CROCC2: variants seen among roughly 807,000 people sequenced by gnomAD.
The protein encoded by CROCC2 is ciliary rootlet coiled-coil protein 2.
Under a neutral mutation model 177.6 loss-of-function variants are expected in CROCC2, and 163 were observed. That is an observed-to-expected ratio of 0.92 (90% CI 0.81 to 1.05). The LOEUF is 1.05. Ranked by LOEUF, CROCC2 falls within the 50% of genes least tolerant of loss-of-function variation. The pLI is 0.00. For missense variants in CROCC2, 1,929 were observed against 1,797.8 expected, an observed-to-expected ratio of 1.07 and a Z score of -1.32; for synonymous variants, 904 against 787.3, an observed-to-expected ratio of 1.15 and a Z score of -2.48.
At position 240,943,731 on chromosome 2, in the gene CROCC2, C is replaced by T. The variant is rs559860571; in HGVS notation, c.2170-2329C>T. On this transcript the variant is annotated intron_variant, in intron 14 of 31. Transcript: ENST00000690015. ...CCGAGCTCAGGTGATCTGCCCACCT[C>T]GGCCTCCCTAAGTGCTGGGATTACA... Among the ~76,000 whole-genome samples the T allele has an allele frequency of 6.6e-5, 10 of 152,226 alleles. No individual in the cohort carries two copies. In the East Asian group the frequency reaches 1.4e-3, roughly 21 times the overall value.
intron 4 of CROCC2, among the ~76,000 whole-genome samples, chr2:240,922,877 G>T (rs890894198): frequency 6.6e-6 from 1 of 152,090 alleles, no homozygotes; most frequent in African/African-American, 2.4e-5. Flanking sequence ...CAGTGTGGGG[G>T]CCTGCAGCGC....
chr2:240,964,029 T>G, intron 21 of CROCC2: 1 of 579,528 alleles, frequency 1.7e-6, no homozygotes, highest in Non-Finnish European at 3.1e-6. Flanking sequence ...GCAGGCAAGA[T>G]AGGTCACAGG....
intron 20 of CROCC2, among the ~76,000 whole-genome samples, chr2:240,962,010 CCACACA>C (rs869266774): frequency 4.1e-4 from 18 of 43,502 alleles, no homozygotes; most frequent in African/African-American, 5.3e-4. Context: ...CACTCATCAC[CCACACA>C]CACACACACA....
chr2:240,993,244 G>T lies in CROCC2; in HGVS notation c.*163G>T. The T allele has an allele frequency of 1.8e-6, 1 of 563,948 alleles. No individual in the cohort carries two copies. Among genetic ancestry groups the T allele is most frequent in the South Asian group, 2.3e-5 (1 of 42,574 alleles). The allele number at this position is 563,948 out of a possible 1,614,324, so 34.9% of individuals were successfully genotyped here. A position where few individuals can be genotyped will look rare whatever the true frequency, so the allele number is the denominator to read the frequency against. On this transcript the variant is annotated 3_prime_UTR_variant, in exon 32 of 32. Coordinates refer to ENST00000690015, the MANE Select transcript of CROCC2 (RefSeq NM_001351305.2). ...GACCCTCCTTGCCCTGGCTGCTCAT[G>T]GGGAACATTTGAAATGCATGTGGGG...
At chr2:240,956,061 A>G in intron 19 of CROCC2, 89 bp downstream of exon 19, 2 of 944,558 alleles carry the variant, frequency 2.1e-6, no homozygotes, top group East Asian at 2.6e-5. Flanking sequence ...TCCCAGTGGC[A>G]TGACCCTCTC....
rs544964149 is a variant in CROCC2, at chr2:240,983,176, G to A, written c.4551+147G>A. On this transcript the variant is annotated intron_variant, in intron 28 of 31. Transcript: ENST00000690015. ...ATGCTGGAGGCAGGTGAGCAGGCCT[G>A]CAGAGACCCAGGCACCATCCAGTCC... The A allele has an allele frequency of 3.3e-6, 3 of 922,576 alleles. No individual in the cohort carries two copies. The East Asian group carries it at 8.0e-5, about 25-fold the overall frequency. The allele number at this position is 922,576 out of a possible 1,614,324, so 57.1% of individuals were successfully genotyped here. A position where few individuals can be genotyped will look rare whatever the true frequency, so the allele number is the denominator to read the frequency against.
chr2:240,989,558 C>G (rs2059863143), intron 29 of CROCC2, 96 bp from the exon 30 acceptor site: 2 of 1,255,572 alleles, frequency 1.6e-6, no homozygotes, highest in East Asian at 5.2e-5. Flanking sequence ...GTGGGGCCCA[C>G]AAGGACAGGT....
rs888698750 is a variant in CROCC2, at chr2:240,914,092, G to A, written c.79-4634G>A. 9.2e-5 allele frequency among the ~76,000 whole-genome samples: 14 copies of A among 152,364 alleles called. No individual in the cohort carries two copies. The South Asian group carries it at 2.1e-3, about 23-fold the overall frequency. ...CTGCCGCCCGGCCCGGAAGCTGCTT[G>A]GTTCCCTGCCCTTTGCTCAGGCTGG... On this transcript the variant is annotated intron_variant, in intron 1 of 31. Coordinates refer to ENST00000690015, the MANE Select transcript of CROCC2 (RefSeq NM_001351305.2).
intron 19 of CROCC2, chr2:240,957,839 G>T (rs74001704): frequency 0.015 from 5,510 of 362,208 alleles, 317 homozygotes; most frequent in African/African-American, 0.12. Flanking sequence ...CATCGGGCCT[G>T]TGACCATGCC....
At chr2:240,911,034 G>A (rs1326386100) in intron 1 of CROCC2, among the ~76,000 whole-genome samples, 1 of 152,086 alleles carries the variant, frequency 6.6e-6, no homozygotes, top group Non-Finnish European at 1.5e-5. Context: ...AGGAGGCTGA[G>A]GCAGGAGAAT....
In CROCC2 at chr2:240,930,919, C is replaced by T. The variant is rs2059424981; in HGVS notation, c.750-12C>T. 1 of 701,870 alleles carries T rather than the reference C, an allele frequency of 1.4e-6. No individual in the cohort carries two copies. The highest frequency in any genetic ancestry group is 2.7e-6 in the Non-Finnish European group (1 of 376,264). 43.5% of individuals were successfully genotyped at this position (701,870 alleles called of 1,614,324 possible). On this transcript the variant is annotated splice_polypyrimidine_tract_variant and intron_variant, in intron 6 of 31. Coordinates refer to ENST00000690015, the MANE Select transcript of CROCC2 (RefSeq NM_001351305.2). ...TCCTGAGTCCGCCACAGATGCTGCC[C>T]TTGTCTCCCAGGGGCCTCGCTGACC...
intron 27 of CROCC2, among the ~76,000 whole-genome samples, chr2:240,971,867 T>TA (rs1458739777): frequency 2.0e-5 from 3 of 152,286 alleles, no homozygotes; most frequent in Non-Finnish European, 4.4e-5. Flanking sequence ...TTTCAGGTCT[T>TA]ACTCCTACTC....
At chr2:240,976,050 A>G (rs983261352) in intron 27 of CROCC2, among the ~76,000 whole-genome samples, 1 of 152,168 alleles carries the variant, frequency 6.6e-6, no homozygotes, top group South Asian at 2.1e-4. Context: ...TTTGGTCTCA[A>G]CGAGACCCCT....
chr2:240,922,570 A>G lies in CROCC2; in HGVS notation c.413A>G (p.Gln138Arg), dbSNP rs968736396. Residue 138 changes from glutamine (Q) to arginine (R), a missense_variant, in exon 4 of 32, where the codon CAG (glutamine) becomes CGG (arginine). This residue lies in a region of CROCC2 where 1,397 missense variants were observed against 1,239.9 expected (regional missense o/e 1.13). Transcript: ENST00000690015. Reference sequence around the variant, plus strand: ...GCCCGGCTGGAGACCACCGAGGCTCAGCTGCGGAGGTCAGAGCTGGAGCAC... The same window carrying G: ...GCCCGGCTGGAGACCACCGAGGCTCGGCTGCGGAGGTCAGAGCTGGAGCAC... ...LQARLETTEA[Q>R]LRRSELEHSV... 5 of 694,888 alleles carry G rather than the reference A, an allele frequency of 7.2e-6. No homozygotes were observed. The highest frequency in any genetic ancestry group is 1.3e-5 in the Non-Finnish European group (5 of 371,476). 43.0% of individuals were successfully genotyped at this position (694,888 alleles called of 1,614,324 possible).
At chr2:240,968,840 C>T (rs932930805) in intron 27 of CROCC2, among the ~76,000 whole-genome samples, 1 of 152,122 alleles carries the variant, frequency 6.6e-6, no homozygotes, top group Admixed American at 6.5e-5. Flanking sequence ...ATGGAACGGC[C>T]AGGCAGTGGT....
intron 1 of CROCC2, among the ~76,000 whole-genome samples, chr2:240,912,530 C>T (rs1033395372): frequency 2.6e-5 from 4 of 152,198 alleles, no homozygotes; most frequent in Non-Finnish European, 4.4e-5. Context: ...AGGAGAGGTG[C>T]CCAGGTCAAG....
At position 240,917,698 on chromosome 2, in the gene CROCC2, A is replaced by G. The variant is rs981600798; in HGVS notation, c.79-1028A>G. Among the ~76,000 whole-genome samples the G allele has an allele frequency of 3.5e-4, 54 of 152,254 alleles. No homozygotes were observed. The highest frequency in any genetic ancestry group is 1.3e-3 in the African/African-American group (53 of 41,558). On this transcript the variant is annotated intron_variant, in intron 1 of 31. Transcript: ENST00000690015. The surrounding 1 kb of genome is among the most constrained non-coding windows in gnomAD (Gnocchi z 4.9). ...GCCCTAGGAGTGGACATCCCCTCCC[A>G]GCTTCCCCTGGCAAGCATCCAGTCA...
intron 1 of CROCC2, among the ~76,000 whole-genome samples, chr2:240,915,957 G>C (rs1395376666): frequency 6.6e-6 from 1 of 152,196 alleles, no homozygotes; most frequent in African/African-American, 2.4e-5. Flanking sequence ...CAAGCCTCCA[G>C]CGGACGCTGG....
chr2:240,929,113 G>C (rs13018255), intron 5 of CROCC2, among the ~76,000 whole-genome samples: 3,426 of 152,254 alleles, frequency 0.023, 58 homozygotes, highest in Non-Finnish European at 0.035. Context: ...ATGGCCAGGT[G>C]TTATGGGCTC....
Sources: gnomAD v4.1 joint callset for allele counts (sites outside exome capture counted in the v4.1 genomes callset) on GRCh38, gnomAD v4.1.1 for gene constraint, gnomAD v4.1.1 regional missense constraint, Gnocchi (gnomAD v3.1) non-coding constraint, MANE v1.5 for transcripts, NCBI Gene and HGNC (gene_info 2026-07-23, HGNC 2026-07-21) for gene names.